Variants in ANKIB1 observed in about 807,000 individuals in gnomAD.
ANKIB1 encodes the protein ankyrin repeat and IBR domain-containing protein 1.
ANKIB1 carries 43 observed loss-of-function variants against 122.1 expected under a neutral mutation model. The ratio of observed to expected loss-of-function variants is 0.35; its 90% CI spans 0.28 to 0.45. ANKIB1 has a LOEUF of 0.45. Among genes scored for constraint, ANKIB1 ranks in the 20% least tolerant of loss-of-function variants. ANKIB1 has a pLI of 1.00. For missense variants in ANKIB1, 992 were observed against 1,329.5 expected (o/e 0.75, Z 3.95); for synonymous variants, 390 against 442.0 (o/e 0.88, Z 1.48).
At chr7:92,371,409 G>T (rs1804251791) in intron 10 of ANKIB1, 68 bp from the exon 11 acceptor site, 5 of 1,348,626 alleles carry the variant, frequency 3.7e-6, no homozygotes, top group Admixed American at 4.6e-5. Context: ...AGTGTGGAGG[G>T]TTTTTTTTTC....
chr7:92,316,470 G>A (rs1236829683), intron 3 of ANKIB1, among the ~76,000 whole-genome samples: 1 of 152,192 alleles, frequency 6.6e-6, no homozygotes. Flanking sequence ...CCATGCCAAA[G>A]ATAACATGCA....
At chr7:92,387,284 A>G (rs1804677097) in intron 12 of ANKIB1, among the ~76,000 whole-genome samples, 1 of 152,118 alleles carries the variant, frequency 6.6e-6, no homozygotes, top group Non-Finnish European at 1.5e-5. Flanking sequence ...TAGGGCTTCA[A>G]AATATTAATT....
At chr7:92,364,648 G>T (rs1017798022) in intron 10 of ANKIB1, among the ~76,000 whole-genome samples, 3 of 152,196 alleles carry the variant, frequency 2.0e-5, no homozygotes, top group African/African-American at 7.2e-5. Context: ...AAACTTGCTA[G>T]AGATGAGGCT....
rs183763765 is a variant in ANKIB1 at position 92,310,458 on chromosome 7, T to A, written c.486+2802T>A. On this transcript the variant is annotated intron_variant, in intron 3 of 19. Coordinates refer to ENST00000265742, the MANE Select transcript of ANKIB1 (RefSeq NM_019004.2). The stretch of plus-strand genomic sequence containing the variant: ...ATACTCTTGTCCAACCTTAGGCCCT[T>A]AATGATTTTCTATTATGCATACTGC... 6.6e-5 allele frequency among the ~76,000 whole-genome samples: 10 copies of A among 152,280 alleles called. No homozygotes were observed. In the East Asian group the frequency reaches 1.9e-3, roughly 29 times the overall value.
At chr7:92,331,323 A>G (rs1453898731) in intron 5 of ANKIB1, among the ~76,000 whole-genome samples, 1 of 148,678 alleles carries the variant, frequency 6.7e-6, no homozygotes, top group Admixed American at 6.8e-5. Context: ...GCTGGAGTGC[A>G]GTAGCACAAT....
At chr7:92,348,749 A>G (rs890211661) in intron 7 of ANKIB1, among the ~76,000 whole-genome samples, 51 of 152,246 alleles carry the variant, frequency 3.3e-4, no homozygotes, top group African/African-American at 1.1e-3. Context: ...ACTTGTGAAA[A>G]AATGGATAAG....
At chr7:92,374,546 CTT>C (rs1386429098) in intron 11 of ANKIB1, among the ~76,000 whole-genome samples, 3 of 151,950 alleles carry the variant, frequency 2.0e-5, no homozygotes, top group Middle Eastern at 3.2e-3. Context: ...AATAGCAACT[CTT>C]GAGTAAAAAA....
rs1273410257 is a variant in ANKIB1, at chr7:92,307,645, G to C, written c.475G>C (p.Ala159Pro). Residue 159 changes from alanine to proline, a missense_variant, in exon 3 of 20, where the codon GCC becomes CCC. By Grantham distance (27) the Ala-to-Pro change is conservative. Around this residue, in one of 4 missense-constraint regions of ANKIB1, gnomAD observed 521 missense variants for 777.7 expected, o/e 0.67. Coordinates refer to ENST00000265742, the MANE Select transcript of ANKIB1 (RefSeq NM_019004.2). ...CTATGCTGCTGCCTCAGGGATGAAA[G>C]CCTGTGTAGAGGTAAATTTTTTTTT... ...LHYAAASGMK[A>P]CVELLVKHGG... 6.3e-7 allele frequency: 1 copy of C among 1,575,708 alleles called. No homozygotes were observed. Among genetic ancestry groups the C allele is most frequent in the Non-Finnish European group, 8.6e-7 (1 of 1,165,184 alleles).
At chr7:92,285,526 A>G (rs1293985554) in intron 1 of ANKIB1, among the ~76,000 whole-genome samples, 1 of 152,238 alleles carries the variant, frequency 6.6e-6, no homozygotes, top group African/African-American at 2.4e-5. Flanking sequence ...AATCTTTACA[A>G]TAGCCTTTTA....
In ANKIB1 at chr7:92,398,528, G is replaced by A. The variant is rs748493543; in HGVS notation, c.2849G>A (p.Cys950Tyr). The A allele has an allele frequency of 6.2e-7, 1 of 1,613,956 alleles. No homozygotes were observed. Among genetic ancestry groups the A allele is most frequent in the African/African-American group, 1.3e-5 (1 of 75,020 alleles). Reference sequence around the variant, plus strand: ...CTCAGTGAGGCAAGAAGTGATTTCTGTCCCTCATCTAGTGATCCTGACTCA... The same window carrying A: ...CTCAGTGAGGCAAGAAGTGATTTCTATCCCTCATCTAGTGATCCTGACTCA... ...HPLSEARSDF[C>Y]PSSSDPDSAG... The change falls in exon 20 of 20, where the codon TGT becomes TAT. Residue 950 changes from cysteine (C) to tyrosine (Y), a missense_variant. Physicochemically the swap from Cys to Tyr is radical, Grantham distance 194. Around this residue, in one of 4 missense-constraint regions of ANKIB1, gnomAD observed 384 missense variants for 412.0 expected, o/e 0.93. Coordinates refer to ENST00000265742, the MANE Select transcript of ANKIB1 (RefSeq NM_019004.2).
intron 11 of ANKIB1, among the ~76,000 whole-genome samples, chr7:92,382,719 C>T (rs1339212237): frequency 6.6e-6 from 1 of 152,206 alleles, no homozygotes; most frequent in East Asian, 1.9e-4. Context: ...ATACCAGAAT[C>T]TCTGGGACAC....
At chr7:92,337,729 T>G (rs760652547) in intron 5 of ANKIB1, among the ~76,000 whole-genome samples, 3 of 152,218 alleles carry the variant, frequency 2.0e-5, no homozygotes, top group Non-Finnish European at 4.4e-5. Context: ...TGCACCTGGC[T>G]TGAATTACAT....
At chr7:92,349,628 T>C (rs17679665) in intron 7 of ANKIB1, among the ~76,000 whole-genome samples, 8,544 of 152,258 alleles carry the variant, frequency 0.056, 316 homozygotes, top group Non-Finnish European at 0.084. Context: ...TTCAAAAGTT[T>C]GTTTCTTGCT....
intron 1 of ANKIB1, among the ~76,000 whole-genome samples, chr7:92,247,969 T>G (rs2131866416): frequency 6.6e-6 from 1 of 152,328 alleles, no homozygotes; most frequent in Admixed American, 6.5e-5. Flanking sequence ...TAATTTGAAG[T>G]AGGCTCAGGA....
chr7:92,365,957 G>A (rs919536662), intron 10 of ANKIB1, among the ~76,000 whole-genome samples: 13 of 151,336 alleles, frequency 8.6e-5, no homozygotes, highest in Admixed American at 8.6e-4. Context: ...CACCATGCCC[G>A]GCTAATTTTT....
At chr7:92,286,515 T>C (rs1802128171) in intron 1 of ANKIB1, among the ~76,000 whole-genome samples, 2 of 151,748 alleles carry the variant, frequency 1.3e-5, no homozygotes, top group Admixed American at 1.3e-4. Context: ...GTTTCGCTTT[T>C]GTTGCCCAGG....
chr7:92,377,859 T>C (rs1804419188), intron 11 of ANKIB1, among the ~76,000 whole-genome samples: 1 of 151,832 alleles, frequency 6.6e-6, no homozygotes, highest in Non-Finnish European at 1.5e-5. Context: ...CTTAAAGCAA[T>C]GGGCCCTGAT....
intron 3 of ANKIB1, among the ~76,000 whole-genome samples, chr7:92,308,754 GT>G (rs1286755714): frequency 6.6e-6 from 1 of 152,002 alleles, no homozygotes; most frequent in Non-Finnish European, 1.5e-5. Flanking sequence ...AACAGAATAG[GT>G]TTTTCTCAGC....
chr7:92,346,050 G>T (rs528523022), intron 7 of ANKIB1, among the ~76,000 whole-genome samples: 1 of 152,004 alleles, frequency 6.6e-6, no homozygotes, highest in South Asian at 2.1e-4. Context: ...ATTTCCCATT[G>T]AATCCCTGCT....
Sources: gnomAD v4.1 joint callset for allele counts (sites outside exome capture counted in the v4.1 genomes callset) on GRCh38, gnomAD v4.1.1 for gene constraint, gnomAD v4.1.1 regional missense constraint, MANE v1.5 for transcripts, NCBI Gene and HGNC (gene_info 2026-07-23, HGNC 2026-07-21) for gene names.